Variants in RFTN1 observed in about 807,000 individuals in gnomAD.
RFTN1 encodes the protein raftlin.
In RFTN1, 26 loss-of-function variants were observed where a neutral mutation model predicts 46.5. That is an observed-to-expected ratio of 0.56 (90% CI 0.41 to 0.78). The LOEUF (loss-of-function observed/expected upper bound fraction) is 0.78. RFTN1 is among the 30% of genes least tolerant of loss of function. RFTN1 has a pLI of 0.00. For missense variants in RFTN1, 693 were observed against 718.7 expected (o/e 0.96, Z 0.41); for synonymous variants, 261 against 284.2 (o/e 0.92, Z 0.82).
At position 16,382,300 on chromosome 3, in the gene RFTN1, AG is replaced by A. The variant is rs769814183; in HGVS notation, c.442-4199del. The stretch of plus-strand genomic sequence containing the variant: ...TGAAGATCAATATTTGGCTAGATCT[AG>A]GGGCCACGACTCTTACAGTTCTGTC... On this transcript the variant is annotated intron_variant, in intron 4 of 9. Coordinates refer to ENST00000334133, the MANE Select transcript of RFTN1 (RefSeq NM_015150.2). The surrounding 1 kb of genome is among the most constrained non-coding windows in gnomAD (Gnocchi z 4.7). Among the ~76,000 whole-genome samples the A allele has an allele frequency of 7.2e-5, 11 of 152,196 alleles. No individual in the cohort carries two copies. The highest frequency in any genetic ancestry group is 1.3e-4 in the Non-Finnish European group (9 of 68,032).
rs73816495 is a variant in RFTN1 at position 16,464,931 on chromosome 3, T to C, written c.145+28794A>G. ...TCGCAAGTTAACTTTGGAGAGAAGA[T>C]TGCATGTGCGGTTCCCTGATTCTTA... On this transcript the variant is annotated intron_variant, in intron 2 of 9. Transcript: ENST00000334133. Among the ~76,000 whole-genome samples, 554 of 152,326 alleles carry C rather than the reference T, an allele frequency of 3.6e-3. 3 individuals carry two copies. The highest frequency in any genetic ancestry group is 0.012 in the African/African-American group (517 of 41,566).
At position 16,348,177 on chromosome 3, in the gene RFTN1, G is replaced by A. The variant is rs2071862193; in HGVS notation, c.1146+9755C>T. The A allele has an allele frequency of 1.3e-5, 2 of 152,086 alleles. No homozygotes were observed. Among genetic ancestry groups the A allele is most frequent in the African/African-American group, 4.8e-5 (2 of 41,416 alleles). 9.4% of individuals were successfully genotyped at this position (152,086 alleles called of 1,614,324 possible). A position where few individuals can be genotyped will look rare whatever the true frequency, so the allele number is the denominator to read the frequency against. ...CAGGGCAGGCTCCTGGAGCTCAGGA[G>A]CAGGGCTTTGCTAAGAGGCACAAGT... On this transcript the variant is annotated intron_variant, in intron 7 of 9. Coordinates refer to ENST00000334133, the MANE Select transcript of RFTN1 (RefSeq NM_015150.2). This position sits in a 1 kb window ranked among gnomAD's most constrained non-coding sequence, Gnocchi z 6.3.
chr3:16,491,957 A>G (rs2076545120), intron 2 of RFTN1, among the ~76,000 whole-genome samples: 1 of 152,150 alleles, frequency 6.6e-6, no homozygotes, highest in African/African-American at 2.4e-5. Flanking sequence ...CACTGAACAA[A>G]AAAATGGAGG....
chr3:16,491,500 T>A (rs2076537818), intron 2 of RFTN1, among the ~76,000 whole-genome samples: 1 of 152,144 alleles, frequency 6.6e-6, no homozygotes. Context: ...ATAATGGGTG[T>A]ATGTTTATTT....
chr3:16,503,546 C>T (rs552501853), intron 1 of RFTN1, among the ~76,000 whole-genome samples: 1 of 152,276 alleles, frequency 6.6e-6, no homozygotes, highest in East Asian at 1.9e-4. Context: ...GGAGCAAACC[C>T]AGTCTTTTCC....
At chr3:16,395,129 G>A (rs1190753304) in intron 4 of RFTN1, among the ~76,000 whole-genome samples, 5 of 152,148 alleles carry the variant, frequency 3.3e-5, no homozygotes, top group Non-Finnish European at 5.9e-5. Context: ...ATTATTATAA[G>A]CAGAAATTAT....
intron 7 of RFTN1, among the ~76,000 whole-genome samples, chr3:16,347,301 AG>A (rs975993863): frequency 2.0e-5 from 3 of 152,134 alleles, no homozygotes; most frequent in African/African-American, 7.2e-5. Flanking sequence ...TCCATTTTCT[AG>A]GGGGGGCTAT....
rs1486305952 is a variant in RFTN1 at position 16,447,722 on chromosome 3, G to C, written c.146-13685C>G. 1.3e-5 allele frequency among the ~76,000 whole-genome samples: 2 copies of C among 152,196 alleles called. No homozygotes were observed. Among genetic ancestry groups the C allele is most frequent in the Admixed American group, 6.5e-5 (1 of 15,272 alleles). ...TCAGACTAATACAACGAAGCAATCA[G>C]GTGAAAATCATTTCTAATTACACCC... On this transcript the variant is annotated intron_variant, in intron 2 of 9. Transcript: ENST00000334133. This position sits in a 1 kb window ranked among gnomAD's most constrained non-coding sequence, Gnocchi z 5.9.
rs1482024233 is a variant in RFTN1 at position 16,374,202 on chromosome 3, C to G, written c.826+3516G>C. 4.6e-5 allele frequency among the ~76,000 whole-genome samples: 7 copies of G among 152,162 alleles called. No homozygotes were observed. In the East Asian group the frequency reaches 1.2e-3, roughly 25 times the overall value. ...TGCCCAGAAGTGCTAAGTGGATCCC[C>G]CAGAAATCACAAGCCAGTAAGTGGC... On this transcript the variant is annotated intron_variant, in intron 5 of 9. Coordinates refer to ENST00000334133, the MANE Select transcript of RFTN1 (RefSeq NM_015150.2). This position sits in a 1 kb window ranked among gnomAD's most constrained non-coding sequence, Gnocchi z 5.4.
intron 7 of RFTN1, chr3:16,349,897 T>C (rs1405979334): frequency 6.6e-6 from 1 of 152,270 alleles, no homozygotes; most frequent in Non-Finnish European, 1.5e-5. Flanking sequence ...GGAGTCGATG[T>C]TGCAGTTTTG....
rs142212858 is a variant in RFTN1, at chr3:16,410,874, C to G, written c.333-1391G>C. On this transcript the variant is annotated intron_variant, in intron 3 of 9. Coordinates refer to ENST00000334133, the MANE Select transcript of RFTN1 (RefSeq NM_015150.2). This position sits in a 1 kb window ranked among gnomAD's most constrained non-coding sequence, Gnocchi z 4.6. ...TTCACAGCCATTCACAGGCAGGGCT[C>G]CTGTATGACACTAGAGTGGAAATCA... Among the ~76,000 whole-genome samples the G allele has an allele frequency of 4.5e-3, 685 of 152,332 alleles. 3 individuals are homozygous for G. The highest frequency in any genetic ancestry group is 0.024 in the South Asian group (115 of 4,828).
intron 2 of RFTN1, among the ~76,000 whole-genome samples, chr3:16,486,934 T>G (rs1660432090): frequency 6.6e-6 from 1 of 152,220 alleles, no homozygotes; most frequent in Non-Finnish European, 1.5e-5. Context: ...GAGCTTGTGC[T>G]CGCTCCTGTT....
In RFTN1 at chr3:16,370,052, A is replaced by G; in HGVS notation, c.1030+24T>C. The G allele has an allele frequency of 6.2e-7, 1 of 1,610,204 alleles. No individual in the cohort carries two copies. The highest frequency in any genetic ancestry group is 8.5e-7 in the Non-Finnish European group (1 of 1,176,398). ...AAGCAGAGTTCACAAAGGGCCACCC[A>G]AGGACTGTGAATTCCAAACATACCA... On this transcript the variant is annotated intron_variant, in intron 6 of 9. Transcript: ENST00000334133. This position sits in a 1 kb window ranked among gnomAD's most constrained non-coding sequence, Gnocchi z 5.5.
rs112769092 is a variant in RFTN1, at chr3:16,493,683, A to G, written c.145+42T>C. 362 of 1,239,526 alleles carry G rather than the reference A, an allele frequency of 2.9e-4. 1 individual carries two copies. Among genetic ancestry groups the G allele is most frequent in the South Asian group, 2.4e-3 (156 of 65,724 alleles). 76.8% of individuals were successfully genotyped at this position (1,239,526 alleles called of 1,614,324 possible). ...CCCATCCCCTGCAGGCCCCTGCTGG[A>G]GACCCCACCTGCCCCCATCCATTCC... On this transcript the variant is annotated intron_variant, in intron 2 of 9. Transcript: ENST00000334133.
Position 16,348,246 on chromosome 3 carries a change from A to G in RFTN1, c.1146+9686T>C, listed in dbSNP as rs922748628. ...AAGCATGATGGTAAAAAGGAAGCCG[A>G]GGCATCTAGATCACTGACATTATCC... On this transcript the variant is annotated intron_variant, in intron 7 of 9. Coordinates refer to ENST00000334133, the MANE Select transcript of RFTN1 (RefSeq NM_015150.2). The surrounding 1 kb of genome is among the most constrained non-coding windows in gnomAD (Gnocchi z 6.3). Among the ~76,000 whole-genome samples, 1 of 152,126 alleles carries G rather than the reference A, an allele frequency of 6.6e-6. No individual in the cohort carries two copies. The highest frequency in any genetic ancestry group is 2.4e-5 in the African/African-American group (1 of 41,414).
At chr3:16,463,411 T>TCACTATTCTTGTC (rs2076039223) in intron 2 of RFTN1, among the ~76,000 whole-genome samples, 1 of 152,224 alleles carries the variant, frequency 6.6e-6, no homozygotes, top group Non-Finnish European at 1.5e-5. Context: ...TCTATTAACC[T>TCACTATTCTTGTC]TTCTTCCAGA....
At position 16,506,835 on chromosome 3, in the gene RFTN1, G is replaced by A. The variant is rs1009038332; in HGVS notation, c.-9+6607C>T. Among the ~76,000 whole-genome samples the A allele has an allele frequency of 3.3e-5, 5 of 152,132 alleles. No homozygotes were observed. The highest frequency in any genetic ancestry group is 1.2e-4 in the African/African-American group (5 of 41,438). On this transcript the variant is annotated intron_variant, in intron 1 of 9. Coordinates refer to ENST00000334133, the MANE Select transcript of RFTN1 (RefSeq NM_015150.2). This position sits in a 1 kb window ranked among gnomAD's most constrained non-coding sequence, Gnocchi z 4.8. The stretch of plus-strand genomic sequence containing the variant: ...CCAACAGCAGCTATTCCAATGCCCT[G>A]CCCATAACAGATGCACAATAAATAC...
chr3:16,373,398 G>A (rs1191232524), intron 5 of RFTN1, among the ~76,000 whole-genome samples: 2 of 152,224 alleles, frequency 1.3e-5, no homozygotes, highest in Non-Finnish European at 2.9e-5. Context: ...GGGGCATGGG[G>A]CCCAAGGGTG....
chr3:16,360,296 C>T lies in RFTN1; in HGVS notation c.1031-2249G>A, dbSNP rs113569575. On this transcript the variant is annotated intron_variant, in intron 6 of 9. Transcript: ENST00000334133. ...AAGTGATCCTCCCACCACAGCCTCC[C>T]GAGTAGCTGGGACCACAGGCACATG... 4.7e-3 allele frequency among the ~76,000 whole-genome samples: 710 copies of T among 152,170 alleles called. 3 individuals carry two copies. The highest frequency in any genetic ancestry group is 0.016 in the African/African-American group (651 of 41,524).
Sources: allele counts gnomAD v4.1 joint callset (sites outside exome capture counted in the v4.1 genomes callset), GRCh38; gene constraint gnomAD v4.1.1; non-coding constraint Gnocchi (gnomAD v3.1); transcripts MANE v1.5; gene names NCBI Gene and HGNC (gene_info 2026-07-23, HGNC 2026-07-21).